AMMECR1L: variants seen among roughly 807,000 people sequenced by gnomAD.
AMMECR1L encodes the protein AMMECR1 like.
Under a neutral mutation model 36.8 loss-of-function variants are expected in AMMECR1L, and 4 were observed. That is an observed-to-expected ratio of 0.11 (90% confidence interval 0.05 to 0.25). The LOEUF (loss-of-function observed/expected upper bound fraction) is 0.25, where lower values mean the gene tolerates loss of function less well. Among genes scored for constraint, AMMECR1L ranks in the 10% least tolerant of loss-of-function variants. AMMECR1L has a pLI of 1.00. For missense variants in AMMECR1L, 232 were observed against 392.1 expected (o/e 0.59, Z 3.45); for synonymous variants, 147 against 148.0 (o/e 0.99, Z 0.05).
chr2:127,872,960 G>A, intron 3 of AMMECR1L: 1 of 968,176 alleles, frequency 1.0e-6, no homozygotes, highest in South Asian at 4.8e-5. Context: ...CTTCCCCTTA[G>A]CTCTGTGCGT....
chr2:127,884,101 A>T (rs1485194410), intron 2 of AMMECR1L, 102 bp downstream of exon 2: 2 of 152,230 alleles, frequency 1.3e-5, no homozygotes, highest in Admixed American at 1.3e-4. Context: ...GAAGTAGAAA[A>T]ATACAAATGA....
At chr2:127,879,067 C>T (rs1404794215) in intron 2 of AMMECR1L, among the ~76,000 whole-genome samples, 2 of 152,196 alleles carry the variant, frequency 1.3e-5, no homozygotes, top group African/African-American at 2.4e-5. Flanking sequence ...CTCTCTCCAC[C>T]TCCCATCCCT....
In AMMECR1L at chr2:127,864,818, C is replaced by G; in HGVS notation, c.*276G>C. ...AATACCAGACAAGGGTCTTCTGAAC[C>G]CACAGTAATTCCCACTAGTCATGGA... On this transcript the variant is annotated 3_prime_UTR_variant, in exon 8 of 8. Coordinates refer to ENST00000272647, the MANE Select transcript of AMMECR1L (RefSeq NM_001199140.2). The G allele has an allele frequency of 3.9e-6, 1 of 254,304 alleles. No individual in the cohort carries two copies. Among genetic ancestry groups the G allele is most frequent in the Non-Finnish European group, 7.6e-6 (1 of 131,392 alleles). 15.8% of individuals were successfully genotyped at this position (254,304 alleles called of 1,614,324 possible).
chr2:127,875,777 C>G (rs1286013445), intron 2 of AMMECR1L, among the ~76,000 whole-genome samples: 1 of 142,374 alleles, frequency 7.0e-6, no homozygotes, highest in Non-Finnish European at 1.5e-5. Context: ...CTCTCCTCCC[C>G]TCTCCTCTTC....
At chr2:127,870,727 C>G (rs1031060947) in intron 5 of AMMECR1L, 87 bp downstream of exon 5, 1 of 1,010,232 alleles carries the variant, frequency 9.9e-7, no homozygotes, top group African/African-American at 1.6e-5. Context: ...TATACCCTTT[C>G]TCTCAATGAA....
chr2:127,873,476 T>C lies in AMMECR1L; in HGVS notation c.407+352A>G, dbSNP rs1430420488. 1.0e-6 allele frequency: 1 copy of C among 985,306 alleles called. No individual in the cohort carries two copies. The highest frequency in any genetic ancestry group is 1.1e-4 in the East Asian group (1 of 8,822). 61.0% of individuals were successfully genotyped at this position (985,306 alleles called of 1,614,324 possible). A position where few individuals can be genotyped will look rare whatever the true frequency, so the allele number is the denominator to read the frequency against. The stretch of plus-strand genomic sequence containing the variant: ...CTCAGACTTCCAACTCACCTGGACT[T>C]CAACACTATGGGTGTCCCCAATGGT... On this transcript the variant is annotated intron_variant, in intron 3 of 7. Coordinates refer to ENST00000272647, the MANE Select transcript of AMMECR1L (RefSeq NM_001199140.2). This position sits in a 1 kb window ranked among gnomAD's most constrained non-coding sequence, Gnocchi z 5.2.
intron 3 of AMMECR1L, among the ~76,000 whole-genome samples, chr2:127,872,310 G>C (rs547321669): frequency 6.6e-6 from 1 of 151,552 alleles, no homozygotes; most frequent in East Asian, 2.0e-4. Flanking sequence ...AGTGCTGAGA[G>C]ATTACAGATT....
intron 2 of AMMECR1L, among the ~76,000 whole-genome samples, chr2:127,875,366 G>A (rs972441308): frequency 6.6e-6 from 1 of 152,052 alleles, no homozygotes; most frequent in Admixed American, 6.5e-5. Flanking sequence ...TGTTTTGGCT[G>A]GAAAGAGAGA....
At chr2:127,870,132 C>T (rs1406748056) in intron 5 of AMMECR1L, among the ~76,000 whole-genome samples, 5 of 152,004 alleles carry the variant, frequency 3.3e-5, no homozygotes, top group South Asian at 4.1e-4. Flanking sequence ...CTGGCTAACA[C>T]GGTGAAACCC....
In AMMECR1L at chr2:127,861,645, A is replaced by T. The variant is rs1479679120; in HGVS notation, c.*3449T>A. On this transcript the variant is annotated 3_prime_UTR_variant, in exon 8 of 8. Transcript: ENST00000272647. ...AACAAAACGATTTTTATCCATTATG[A>T]TTTATTCTCTACAATACTTCGTTAA... The T allele has an allele frequency of 6.6e-6, 1 of 152,192 alleles. No homozygotes were observed. Among genetic ancestry groups the T allele is most frequent in the Non-Finnish European group, 1.5e-5 (1 of 68,032 alleles). The allele number at this position is 152,192 out of a possible 1,614,324, so 9.4% of individuals were successfully genotyped here. A position where few individuals can be genotyped will look rare whatever the true frequency, so the allele number is the denominator to read the frequency against.
In AMMECR1L at chr2:127,873,833, G is replaced by A; in HGVS notation, c.402C>T (p.Asp134=). The A allele has an allele frequency of 6.2e-7, 1 of 1,613,992 alleles. No homozygotes were observed. Among genetic ancestry groups the A allele is most frequent in the African/African-American group, 1.3e-5 (1 of 75,024 alleles). Residue 134 remains aspartate (D), a synonymous_variant, in exon 3 of 8, where the codon GAC becomes GAT. Transcript: ENST00000272647. The surrounding 1 kb of genome is among the most constrained non-coding windows in gnomAD (Gnocchi z 5.2). ...PQPRLPRFTN[D]PYPLFVTWKT... ...CCAGCACATGATTTACTCACTAGGG[G>A]TCATTGGTGAATCTAGGAAGTCGTG...
Position 127,865,266 on chromosome 2 carries a change from TCAG to T in AMMECR1L, c.822-64_822-62del. On this transcript the variant is annotated intron_variant, in intron 7 of 7. Coordinates refer to ENST00000272647, the MANE Select transcript of AMMECR1L (RefSeq NM_001199140.2). This position sits in a 1 kb window ranked among gnomAD's most constrained non-coding sequence, Gnocchi z 5.4. ...CAAACGCTTCATTTTGTAAAGTCAC[TCAG>T]CAGAGAAAAACCAAAAGCTTATTCC... The T allele has an allele frequency of 8.1e-7, 1 of 1,229,572 alleles. No individual in the cohort carries two copies. Among genetic ancestry groups the T allele is most frequent in the Non-Finnish European group, 1.1e-6 (1 of 873,844 alleles). The allele number at this position is 1,229,572 out of a possible 1,614,324, so 76.2% of individuals were successfully genotyped here.
chr2:127,877,696 A>G (rs969770567), intron 2 of AMMECR1L, among the ~76,000 whole-genome samples: 7 of 152,208 alleles, frequency 4.6e-5, no homozygotes, highest in Non-Finnish European at 7.3e-5. Flanking sequence ...ACTACAAGAA[A>G]GAATGAGTTC....
In AMMECR1L at chr2:127,869,335, G is replaced by C; in HGVS notation, c.724+119C>G. The C allele has an allele frequency of 1.1e-6, 1 of 952,280 alleles. No individual in the cohort carries two copies. Among genetic ancestry groups the C allele is most frequent in the South Asian group, 1.5e-5 (1 of 68,744 alleles). 59.0% of individuals were successfully genotyped at this position (952,280 alleles called of 1,614,324 possible). A position where few individuals can be genotyped will look rare whatever the true frequency, so the allele number is the denominator to read the frequency against. ...GGAATTTGACAGGTATTAAGAGGCA[G>C]AAAGGCCCTCATTCTCAGCTGCAGT... On this transcript the variant is annotated intron_variant, in intron 6 of 7. Coordinates refer to ENST00000272647, the MANE Select transcript of AMMECR1L (RefSeq NM_001199140.2). The surrounding 1 kb of genome is among the most constrained non-coding windows in gnomAD (Gnocchi z 4.7).
chr2:127,875,950 T>C (rs543643097), intron 2 of AMMECR1L, among the ~76,000 whole-genome samples: 1 of 151,984 alleles, frequency 6.6e-6, no homozygotes, highest in Admixed American at 6.5e-5. Context: ...CACACCACTA[T>C]GCCCAGCTAT....
Position 127,873,986 on chromosome 2 carries a change from C to T in AMMECR1L, c.249G>A (p.Ser83=), listed in dbSNP as rs756381752. 3.3e-5 allele frequency: 53 copies of T among 1,614,102 alleles called. No homozygotes were observed. Among genetic ancestry groups the T allele is most frequent in the East Asian group, 4.5e-5 (2 of 44,896 alleles). ...GCCGGGGAAGAGGGCTCAGCGCTCC[C>T]GATGCGGGATTCATTCGTGTGATGG... The part of the protein sequence containing the change: ...NSPITRMNPA[S]GALSPLPRPN... Residue 83 remains serine (S), a synonymous_variant, in exon 3 of 8, where the codon TCG becomes TCA. Coordinates refer to ENST00000272647, the MANE Select transcript of AMMECR1L (RefSeq NM_001199140.2). This position sits in a 1 kb window ranked among gnomAD's most constrained non-coding sequence, Gnocchi z 5.2.
intron 6 of AMMECR1L, among the ~76,000 whole-genome samples, chr2:127,867,796 AAAGGAAGGAAGG>A (rs368174899): frequency 6.6e-6 from 1 of 151,996 alleles, no homozygotes; most frequent in Non-Finnish European, 1.5e-5. Context: ...AAGAGGAAGG[AAAGGAAGGAAGG>A]AAGGAAGGAG....
In AMMECR1L at chr2:127,880,097, G is replaced by A. The variant is rs113558600; in HGVS notation, c.-39+4106C>T. ...GCAGGCGGATAGCTTGAGCCCTGGAGTTTGAGACCTGCCTGGGCAACACAG... is the reference window on the plus strand; with the variant it reads ...GCAGGCGGATAGCTTGAGCCCTGGAATTTGAGACCTGCCTGGGCAACACAG... On this transcript the variant is annotated intron_variant, in intron 2 of 7. Transcript: ENST00000272647. 5.1e-3 allele frequency among the ~76,000 whole-genome samples: 783 copies of A among 152,304 alleles called. 8 individuals are homozygous for A. Among genetic ancestry groups the A allele is most frequent in the African/African-American group, 0.018 (732 of 41,556 alleles).
chr2:127,871,239 G>A lies in AMMECR1L; in HGVS notation c.518+10C>T. ...ATTTATCTACAGTTCTTAATGTCTG[G>A]TGTCATTACCTGGTTAACGTGTATT... is the stretch of plus-strand genomic sequence containing the variant. On this transcript the variant is annotated intron_variant, in intron 4 of 7. Coordinates refer to ENST00000272647, the MANE Select transcript of AMMECR1L (RefSeq NM_001199140.2). The surrounding 1 kb of genome is among the most constrained non-coding windows in gnomAD (Gnocchi z 4.3). The A allele has an allele frequency of 6.2e-7, 1 of 1,610,114 alleles. No homozygotes were observed. The highest frequency in any genetic ancestry group is 8.5e-7 in the Non-Finnish European group (1 of 1,176,550).
Sources: gnomAD v4.1 joint callset for allele counts (sites outside exome capture counted in the v4.1 genomes callset) on GRCh38, gnomAD v4.1.1 for gene constraint, Gnocchi (gnomAD v3.1) non-coding constraint, MANE v1.5 for transcripts, NCBI Gene and HGNC (gene_info 2026-07-23, HGNC 2026-07-21) for gene names.